The following RAB10 variants were observed in gnomAD, a reference collection of about 807,000 sequenced individuals.
RAB10 encodes the protein RAB10, member RAS oncogene family, also known as ras-related protein Rab-10.
RAB10 carries 5 observed loss-of-function variants against 25.7 expected under a neutral mutation model. The observed-to-expected ratio is 0.19, with a 90% CI of 0.10 to 0.41. The LOEUF is 0.41. RAB10 is among the 10% of genes least tolerant of loss of function. The pLI, the probability that RAB10 is intolerant of heterozygous loss-of-function variation, is 1.00. For synonymous variants in RAB10, 89 were observed against 86.4 expected, an observed-to-expected ratio of 1.03 and a Z score of -0.16; for missense variants, 103 against 245.8, an observed-to-expected ratio of 0.42 and a Z score of 3.89.
intron 3 of RAB10, among the ~76,000 whole-genome samples, chr2:26,123,671 A>G (rs895460119): frequency 6.6e-6 from 1 of 152,224 alleles, no homozygotes; most frequent in African/African-American, 2.4e-5. Flanking sequence ...AAGGCAAAGA[A>G]GTAGTGCCAG....
At position 26,125,125 on chromosome 2, in the gene RAB10, G is replaced by T. The variant is rs372233746; in HGVS notation, c.328-2019G>T. Among the ~76,000 whole-genome samples, 40 of 152,252 alleles carry T rather than the reference G, an allele frequency of 2.6e-4. No individual in the cohort carries two copies. In the East Asian group the frequency reaches 6.2e-3, roughly 24 times the overall value. The stretch of plus-strand genomic sequence containing the variant: ...AATTCTTCTGCGTGTATACCCATGA[G>T]TGGAATTGCTGGATCATATGATAAT... On this transcript the variant is annotated intron_variant, in intron 3 of 5. Transcript: ENST00000264710.
At chr2:26,050,782 C>T (rs575563070) in intron 1 of RAB10, among the ~76,000 whole-genome samples, 12 of 152,048 alleles carry the variant, frequency 7.9e-5, no homozygotes, top group Admixed American at 2.6e-4. Context: ...TACCACCACA[C>T]GTGGCTAATT....
intron 1 of RAB10, among the ~76,000 whole-genome samples, chr2:26,078,883 G>T (rs1666798148): frequency 2.0e-5 from 3 of 152,118 alleles, no homozygotes; most frequent in South Asian, 4.1e-4. Flanking sequence ...AAGAATAAAA[G>T]AAACTTTGGA....
intron 2 of RAB10, among the ~76,000 whole-genome samples, chr2:26,103,059 A>G (rs1236829654): frequency 2.0e-5 from 3 of 152,128 alleles, no homozygotes; most frequent in Non-Finnish European, 4.4e-5. Context: ...ATCCCTCCTT[A>G]TTGTTTATAA....
intron 1 of RAB10, 147 bp downstream of exon 1, chr2:26,034,882 C>G (rs1335819672): frequency 1.6e-6 from 2 of 1,246,514 alleles, no homozygotes; most frequent in Non-Finnish European, 2.2e-6. Flanking sequence ...GAATCGGCAT[C>G]GAGCTTACTG....
At chr2:26,110,379 T>C (rs1258574531) in intron 3 of RAB10, among the ~76,000 whole-genome samples, 2 of 151,908 alleles carry the variant, frequency 1.3e-5, no homozygotes, top group Non-Finnish European at 2.9e-5. Flanking sequence ...ATTTGCTAAT[T>C]TTTTCTTAAG....
At chr2:26,113,837 A>G (rs1004205890) in intron 3 of RAB10, among the ~76,000 whole-genome samples, 1 of 152,032 alleles carries the variant, frequency 6.6e-6, no homozygotes, top group Non-Finnish European at 1.5e-5. Context: ...AAAATCCTTA[A>G]GAACCCACAA....
intron 1 of RAB10, among the ~76,000 whole-genome samples, chr2:26,040,416 C>G (rs1665858955): frequency 6.6e-6 from 1 of 152,118 alleles, no homozygotes; most frequent in Non-Finnish European, 1.5e-5. Context: ...GTAATCCCAG[C>G]ACTTTGGGAG....
At chr2:26,122,399 C>T (rs1317092901) in intron 3 of RAB10, among the ~76,000 whole-genome samples, 5 of 152,104 alleles carry the variant, frequency 3.3e-5, no homozygotes, top group Admixed American at 6.5e-5. Flanking sequence ...GAGGCCAAGG[C>T]GGGCAGATCA....
intron 1 of RAB10, among the ~76,000 whole-genome samples, chr2:26,048,869 A>G (rs1395347241): frequency 6.6e-6 from 1 of 152,168 alleles, no homozygotes; most frequent in Admixed American, 6.6e-5. Flanking sequence ...ATCTCAATAC[A>G]ATAAAATAAA....
intron 3 of RAB10, among the ~76,000 whole-genome samples, chr2:26,122,984 T>C (rs866148988): frequency 2.3e-4 from 35 of 152,156 alleles, no homozygotes; most frequent in African/African-American, 8.2e-4. Context: ...ATAGGCTAAC[T>C]ACTGTTCTGT....
chr2:26,114,966 C>T (rs753043872), intron 3 of RAB10, among the ~76,000 whole-genome samples: 3 of 151,822 alleles, frequency 2.0e-5, no homozygotes, highest in Non-Finnish European at 4.4e-5. Flanking sequence ...CATGAAGTGG[C>T]AAAAGAAAAG....
chr2:26,056,585 A>G (rs910447431), intron 1 of RAB10, among the ~76,000 whole-genome samples: 2 of 152,176 alleles, frequency 1.3e-5, no homozygotes, highest in Non-Finnish European at 2.9e-5. Context: ...TCTGAGTACA[A>G]TCCAGACTCA....
chr2:26,045,542 T>G (rs1036343168), intron 1 of RAB10, among the ~76,000 whole-genome samples: 1 of 142,332 alleles, frequency 7.0e-6, no homozygotes, highest in Admixed American at 6.7e-5. Flanking sequence ...CCCGGCCGTC[T>G]AACAGTAGAA....
rs1352666769 is a variant in RAB10 at position 26,136,810 on chromosome 2, A to G, written c.*1789A>G. On this transcript the variant is annotated 3_prime_UTR_variant, in exon 6 of 6. Coordinates refer to ENST00000264710, the MANE Select transcript of RAB10 (RefSeq NM_016131.5). ...GATAGTGCCCTAAAAACAATTTTATATGCCTCACTGGTTGTTATTCTTAGG... is the reference window on the plus strand; with the variant it reads ...GATAGTGCCCTAAAAACAATTTTATGTGCCTCACTGGTTGTTATTCTTAGG... 1.3e-5 allele frequency: 2 copies of G among 152,562 alleles called. No homozygotes were observed. Among genetic ancestry groups the G allele is most frequent in the Admixed American group, 6.5e-5 (1 of 15,278 alleles). The allele number at this position is 152,562 out of a possible 1,614,324, so 9.5% of individuals were successfully genotyped here. A position where few individuals can be genotyped will look rare whatever the true frequency, so the allele number is the denominator to read the frequency against.
At chr2:26,051,791 T>C (rs113763927) in intron 1 of RAB10, among the ~76,000 whole-genome samples, 5,163 of 145,354 alleles carry the variant, frequency 0.036, 292 homozygotes, top group African/African-American at 0.12. Context: ...GGTGAGGTGG[T>C]TCACGCCTGT....
intron 3 of RAB10, among the ~76,000 whole-genome samples, chr2:26,114,586 G>T (rs1486294650): frequency 1.3e-5 from 2 of 151,992 alleles, no homozygotes; most frequent in Non-Finnish European, 2.9e-5. Flanking sequence ...ATACAGAAAA[G>T]TTAACTCAAA....
At chr2:26,061,317 A>G (rs191960017) in intron 1 of RAB10, among the ~76,000 whole-genome samples, 1 of 151,880 alleles carries the variant, frequency 6.6e-6, no homozygotes, top group South Asian at 2.1e-4. Flanking sequence ...GGATTTTGCC[A>G]TGTTGCCCAG....
Position 26,108,879 on chromosome 2 carries a change from A to ATTTTTATT in RAB10, c.189-888_189-887insTTTTATTT, listed in dbSNP as rs1212667172. 3.1e-3 allele frequency among the ~76,000 whole-genome samples: 427 copies of ATTTTTATT among 139,632 alleles called. 2 individuals are homozygous for ATTTTTATT. The highest frequency in any genetic ancestry group is 0.013 in the South Asian group (57 of 4,408). 91.6% of individuals were successfully genotyped at this position (139,632 alleles called of 152,430 possible). A position where few individuals can be genotyped will look rare whatever the true frequency, so the allele number is the denominator to read the frequency against. On this transcript the variant is annotated intron_variant, in intron 2 of 5. Transcript: ENST00000264710. ...GGTTGAGATTGGGGTCTTTTGCTTT[A>ATTTTTATT]TATTTATTTATTTATTTATTTATTT...
Sources: gnomAD v4.1 joint callset for allele counts (sites outside exome capture counted in the v4.1 genomes callset) on GRCh38, gnomAD v4.1.1 for gene constraint, MANE v1.5 for transcripts, NCBI Gene and HGNC (gene_info 2026-07-23, HGNC 2026-07-21) for gene names.